Variants in NID2 observed in about 807,000 individuals in gnomAD.
NID2 encodes the protein nidogen-2.
NID2 carries 83 observed loss-of-function variants against 145.4 expected under a neutral mutation model. That is an observed-to-expected ratio of 0.57 (90% CI 0.48 to 0.69). The LOEUF (loss-of-function observed/expected upper bound fraction) is 0.69, where lower values mean the gene tolerates loss of function less well. Among genes scored for constraint, NID2 ranks in the 30% least tolerant of loss-of-function variants. The pLI is 0.00. For synonymous variants in NID2, 739 were observed against 701.3 expected, an observed-to-expected ratio of 1.05 and a Z score of -0.85; for missense variants, 1,807 against 1,765.7, an observed-to-expected ratio of 1.02 and a Z score of -0.42.
At position 52,042,306 on chromosome 14, in the gene NID2, C is replaced by G; in HGVS notation, c.1624G>C (p.Val542Leu). Residue 542 changes from valine to leucine, a missense_variant, in exon 7 of 22, where the codon GTG (valine) becomes CTG (leucine). Transcript: ENST00000216286. ...GTGAAGTGCACGGGTGTATGGCCCA[C>G]GTGGAGGTGGCCACTCACTTTCCCA... ...VNGKVSGHLH[V>L]GHTPVHFTDV... The G allele has an allele frequency of 6.2e-7, 1 of 1,613,514 alleles. No individual in the cohort carries two copies. The highest frequency in any genetic ancestry group is 8.5e-7 in the Non-Finnish European group (1 of 1,179,558).
chr14:52,042,024 T>C (rs1892296865), intron 7 of NID2, 81 bp downstream of exon 7: 1 of 1,480,814 alleles, frequency 6.8e-7, no homozygotes, highest in Non-Finnish European at 9.0e-7. Flanking sequence ...TGTCACTGCG[T>C]AAAGGCCTAA....
chr14:52,060,664 C>A (rs1311516514), intron 2 of NID2, among the ~76,000 whole-genome samples: 1 of 152,208 alleles, frequency 6.6e-6, no homozygotes, highest in African/African-American at 2.4e-5. Context: ...AGGTTTCAAA[C>A]TTCTCTCATG....
chr14:52,008,768 T>C (rs1890891754), intron 18 of NID2: 1 of 152,184 alleles, frequency 6.6e-6, no homozygotes, highest in Admixed American at 6.5e-5. Context: ...CTATGGAACT[T>C]GAAGAGATGT....
In NID2 at chr14:52,019,292, A is replaced by T. The variant is rs1891321183; in HGVS notation, c.2797T>A (p.Ser933Thr). The change falls in exon 14 of 22, where the codon TCC (serine) becomes ACC (threonine). Residue 933 changes from serine to threonine, a missense_variant and splice_region_variant. Ser to Thr is a moderately conservative substitution (Grantham distance 58). Coordinates refer to ENST00000216286, the MANE Select transcript of NID2 (RefSeq NM_007361.4). ...TCACAGGGTGTCAGGCTTGAGGTGG[A>T]GTCTTCCAGGATCAAGGCAGAGGAA... ...YGDGFQCIPD[S>T]TSSLTPCEQQ... 6.3e-7 allele frequency: 1 copy of T among 1,581,488 alleles called. No individual in the cohort carries two copies. Among genetic ancestry groups the T allele is most frequent in the South Asian group, 1.1e-5 (1 of 88,518 alleles).
At chr14:52,014,508 G>A (rs1891147085) in intron 15 of NID2, 52 bp from the exon 16 acceptor site, 1 of 1,542,276 alleles carries the variant, frequency 6.5e-7, no homozygotes, top group South Asian at 1.2e-5. Flanking sequence ...CAGGCAGGGA[G>A]ATGGGAAGAA....
intron 12 of NID2, among the ~76,000 whole-genome samples, chr14:52,024,403 A>T (rs1454888568): frequency 6.6e-6 from 1 of 152,256 alleles, no homozygotes; most frequent in Non-Finnish European, 1.5e-5. Flanking sequence ...GCCAACAACC[A>T]GCAAGGAACC....
intron 3 of NID2, among the ~76,000 whole-genome samples, chr14:52,059,235 T>A (rs1280979452): frequency 6.6e-6 from 1 of 152,172 alleles, no homozygotes; most frequent in Non-Finnish European, 1.5e-5. Context: ...ATGTCAGCTC[T>A]GAGTAAGCAA....
intron 18 of NID2, chr14:52,009,298 T>C (rs1275642277): frequency 2.0e-5 from 3 of 152,324 alleles, no homozygotes; most frequent in African/African-American, 7.2e-5. Context: ...TGATTTAATA[T>C]CATCAACAAC....
intron 17 of NID2, 105 bp from the exon 18 acceptor site, chr14:52,011,152 A>G (rs1891003301): frequency 7.6e-6 from 8 of 1,054,524 alleles, no homozygotes; most frequent in South Asian, 1.5e-5. Context: ...GGGGAAAGCA[A>G]AGCCCAAGTG....
intron 16 of NID2, chr14:52,012,040 A>G (rs569930546): frequency 7.1e-6 from 1 of 140,274 alleles, no homozygotes; most frequent in East Asian, 1.9e-4. Context: ...ATGACTGATG[A>G]TTTAAAAAAA....
At chr14:52,041,187 C>A (rs374044551) in intron 7 of NID2, among the ~76,000 whole-genome samples, 4 of 148,636 alleles carry the variant, frequency 2.7e-5, no homozygotes, top group South Asian at 4.3e-4. Flanking sequence ...AACAAAAAAA[C>A]AAAAACAAAT....
In NID2 at chr14:52,014,393, G is replaced by A; in HGVS notation, c.3314C>T (p.Ser1105Phe). 2.5e-6 allele frequency: 4 copies of A among 1,614,258 alleles called. No homozygotes were observed. Among genetic ancestry groups the A allele is most frequent in the Non-Finnish European group, 3.4e-6 (4 of 1,180,040 alleles). ...AGTATAGAGCAGGAAGGTGCCCACA[G>A]ATGGAGGGGTCACATCTGGCCGGGG... The part of the protein sequence containing the change: ...PTPRPDVTPP[S>F]VGTFLLYTQG... The change falls in exon 16 of 22, where the codon TCT becomes TTT. Residue 1105 changes from serine to phenylalanine, a missense_variant. Ser to Phe is a radical substitution (Grantham distance 155). Coordinates refer to ENST00000216286, the MANE Select transcript of NID2 (RefSeq NM_007361.4).
At chr14:52,018,052 C>T (rs1021858947) in intron 14 of NID2, among the ~76,000 whole-genome samples, 2 of 152,108 alleles carry the variant, frequency 1.3e-5, no homozygotes, top group Non-Finnish European at 2.9e-5. Context: ...CTCTTGACCT[C>T]GTGATCCACC....
chr14:52,019,600 C>G (rs573488610), intron 13 of NID2, among the ~76,000 whole-genome samples: 2 of 152,290 alleles, frequency 1.3e-5, no homozygotes, highest in East Asian at 3.9e-4. Context: ...CAAGCCAAAG[C>G]TCATTCATGC....
At position 52,025,610 on chromosome 14, in the gene NID2, C is replaced by G. The variant is rs546357441; in HGVS notation, c.2674+1591G>C. On this transcript the variant is annotated intron_variant, in intron 12 of 21. Transcript: ENST00000216286. The stretch of plus-strand genomic sequence containing the variant: ...GTCAAGGGTTGAAATCTGGTGATGG[C>G]CTTCCTGCTGGTTGGGACTCTCAGT... Among the ~76,000 whole-genome samples, 17 of 152,274 alleles carry G rather than the reference C, an allele frequency of 1.1e-4. No homozygotes were observed. The South Asian group carries it at 3.3e-3, about 30-fold the overall frequency.
At chr14:52,042,695 G>C in intron 6 of NID2, 87 bp downstream of exon 6, 1 of 1,336,686 alleles carries the variant, frequency 7.5e-7, no homozygotes, top group Non-Finnish European at 1.1e-6. Context: ...GAGATGTTTG[G>C]TCCATAAAGC....
At chr14:52,042,489 A>G in intron 6 of NID2, 139 bp from the exon 7 acceptor site, 1 of 1,129,242 alleles carries the variant, frequency 8.9e-7, no homozygotes, top group Non-Finnish European at 1.2e-6. Flanking sequence ...CCAACCAATT[A>G]TCCATCTATG....
chr14:52,060,968 C>A (rs1460259033), intron 2 of NID2, among the ~76,000 whole-genome samples: 1 of 152,190 alleles, frequency 6.6e-6, no homozygotes, highest in Non-Finnish European at 1.5e-5. Flanking sequence ...CAGGGGCTAA[C>A]AGGTCTTCCT....
chr14:52,043,268 G>A (rs550924857), intron 5 of NID2, among the ~76,000 whole-genome samples: 238 of 152,284 alleles, frequency 1.6e-3, no homozygotes, highest in African/African-American at 5.3e-3. Flanking sequence ...GTCAAAAAGG[G>A]CTAAATATCA....
Sources: allele counts gnomAD v4.1 joint callset (sites outside exome capture counted in the v4.1 genomes callset), GRCh38; gene constraint gnomAD v4.1.1; transcripts MANE v1.5; gene names NCBI Gene and HGNC (gene_info 2026-07-23, HGNC 2026-07-21).